MAP3K15: variants seen among roughly 807,000 people sequenced by gnomAD.
The protein encoded by MAP3K15 is MAPK/ERK kinase kinase 15.
Under a neutral mutation model 99.5 loss-of-function variants are expected in MAP3K15, and 124 were observed. The ratio of observed to expected loss-of-function variants is 1.25; its 90% CI spans 1.08 to 1.45. MAP3K15 has a LOEUF of 1.45. MAP3K15 is among the 40% of genes most tolerant of loss of function. The pLI, the probability that MAP3K15 is intolerant of heterozygous loss-of-function variation, is 0.00. For missense variants in MAP3K15, 1,242 were observed against 1,079.7 expected, an observed-to-expected ratio of 1.15 and a Z score of -2.11; for synonymous variants, 494 against 439.6, an observed-to-expected ratio of 1.12 and a Z score of -1.55.
chrX:19,457,221 G>A (rs771689474), intron 5 of MAP3K15, among the ~76,000 whole-genome samples: 1 of 112,155 alleles, frequency 8.9e-6, no homozygotes, highest in East Asian at 2.8e-4. Context: ...GAAGAACAGA[G>A]AAGGAATCCC....
rs372768459 is a variant in MAP3K15, at chrX:19,436,207, A to G, written c.996-4599T>C. ...AAAAAATTCAATCACCTAGGAGCTT[A>G]AATCTGAATCTCTGGAGACCCAGAC... On this transcript the variant is annotated intron_variant, in intron 6 of 28. Coordinates refer to ENST00000338883, the MANE Select transcript of MAP3K15 (RefSeq NM_001001671.4). 1.1e-4 allele frequency among the ~76,000 whole-genome samples: 12 copies of G among 110,534 alleles called. No individual in the cohort carries two copies. In the East Asian group the frequency reaches 3.1e-3, roughly 29 times the overall value.
At chrX:19,483,257 CAAAAAAAA>C (rs57191935) in intron 3 of MAP3K15, among the ~76,000 whole-genome samples, 6 of 52,647 alleles carry the variant, frequency 1.1e-4, no homozygotes, top group African/African-American at 3.0e-4. Flanking sequence ...GACTCCATCT[CAAAAAAAA>C]AAAAAAAAAA....
chrX:19,515,085 CCGCCGCGGCCCGCCCCCACTCTCGCCCT>C lies in MAP3K15; in HGVS notation c.149_176del (p.Glu50GlyfsTer67). On this transcript the variant is annotated frameshift_variant, in exon 1 of 29. Coordinates refer to ENST00000338883, the MANE Select transcript of MAP3K15 (RefSeq NM_001001671.4). LOFTEE classifies it high-confidence loss of function. ...TGCGCACGTATACTGCCCGCAGAGC[CCGCCGCGGCCCGCCCCCACTCTCGCCCT>C]CGCCGCTGCCGCCTGCCGCGCCCTC... 1.1e-6 allele frequency: 1 copy of C among 871,190 alleles called. No homozygotes were observed. The highest frequency in any genetic ancestry group is 5.2e-5 in the East Asian group (1 of 19,397). The allele number at this position is 871,190 out of a possible 1,213,427, so 71.8% of individuals were successfully genotyped here.
chrX:19,392,239 T>A, intron 17 of MAP3K15, 104 bp downstream of exon 17: 19 of 1,063,008 alleles, frequency 1.8e-5, no homozygotes, highest in Non-Finnish European at 2.4e-5. Context: ...ACGGTTGTGC[T>A]AAATCATACC....
At chrX:19,421,332 C>G (rs2063782271) in intron 9 of MAP3K15, among the ~76,000 whole-genome samples, 1 of 111,659 alleles carries the variant, frequency 9.0e-6, no homozygotes, top group Non-Finnish European at 1.9e-5. Context: ...TCAGCAAAGT[C>G]TCAGGATACA....
Position 19,431,594 on chromosome X carries a change from C to T in MAP3K15, c.1010G>A (p.Gly337Asp). 1 of 1,197,353 alleles carries T rather than the reference C, an allele frequency of 8.4e-7. No individual in the cohort carries two copies. Among genetic ancestry groups the T allele is most frequent in the Non-Finnish European group, 1.1e-6 (1 of 893,671 alleles). ...AFALNRRNST[G>D]DREKALQIML... ...GATCTGCAGAGCCTTCTCACGGTCA[C>T]CTGTGCTGTTTCTCCTGAAAGATAG... Residue 337 changes from glycine (G) to aspartate (D), a missense_variant, in exon 7 of 29, where the codon GGT (glycine) becomes GAT (aspartate). Coordinates refer to ENST00000338883, the MANE Select transcript of MAP3K15 (RefSeq NM_001001671.4).
chrX:19,464,523 G>T, intron 3 of MAP3K15, 117 bp from the exon 4 acceptor site: 1 of 509,685 alleles, frequency 2.0e-6, no homozygotes, highest in Non-Finnish European at 3.2e-6. Flanking sequence ...AAAACAATTC[G>T]TTCAATACGA....
intron 6 of MAP3K15, 50 bp from the exon 7 acceptor site, chrX:19,431,658 A>G: frequency 9.2e-7 from 1 of 1,082,468 alleles, no homozygotes; most frequent in South Asian, 2.2e-5. Context: ...AAGACAATGG[A>G]GTAGAGGCCA....
intron 16 of MAP3K15, among the ~76,000 whole-genome samples, 185 bp downstream of exon 16, chrX:19,394,896 T>TCACTG (rs2063557207): frequency 2.1e-5 from 2 of 94,273 alleles, no homozygotes; most frequent in South Asian, 1.2e-3. Flanking sequence ...TGATCATGGC[T>TCACTG]CACTGCAGCC....
In MAP3K15 at chrX:19,464,218, G is replaced by A. The variant is rs1319869061; in HGVS notation, c.714C>T (p.Thr238=). 1.7e-6 allele frequency: 2 copies of A among 1,192,939 alleles called. No individual in the cohort carries two copies. Among genetic ancestry groups the A allele is most frequent in the Non-Finnish European group, 2.2e-6 (2 of 891,155 alleles). Residue 238 remains threonine, a synonymous_variant, in exon 4 of 29, where the codon ACC becomes ACT. Transcript: ENST00000338883. ...TGGTGGCAGATGGGAATTACCATGAGGTCACGTGGATGTCCTTAAGGAGGC... is the reference window on the plus strand; with the variant it reads ...TGGTGGCAGATGGGAATTACCATGAAGTCACGTGGATGTCCTTAAGGAGGC... The part of the protein sequence containing the change: ...FISLLKDIHV[T]SCVYYKETLL...
intron 3 of MAP3K15, among the ~76,000 whole-genome samples, chrX:19,467,016 C>T (rs112644140): frequency 7.2e-5 from 8 of 110,898 alleles, no homozygotes; most frequent in African/African-American, 2.6e-4. Context: ...TTTTTAATAG[C>T]TCATCAGCTA....
intron 13 of MAP3K15, among the ~76,000 whole-genome samples, chrX:19,405,103 T>C (rs1053005431): frequency 8.1e-5 from 9 of 110,572 alleles, no homozygotes; most frequent in African/African-American, 3.0e-4. Flanking sequence ...AAAAAGCATT[T>C]GCAAATCATA....
At chrX:19,390,490 A>G (rs1264850204) in intron 18 of MAP3K15, among the ~76,000 whole-genome samples, 1 of 102,737 alleles carries the variant, frequency 9.7e-6, no homozygotes, top group Non-Finnish European at 2.0e-5. Context: ...ACTATATAAT[A>G]TATGTTATAT....
intron 2 of MAP3K15, among the ~76,000 whole-genome samples, chrX:19,488,606 G>A (rs372232504): frequency 5.4e-5 from 6 of 111,373 alleles, no homozygotes; most frequent in Non-Finnish European, 7.5e-5. Flanking sequence ...TAACGAGCCC[G>A]GAAATGCCCA....
Position 19,454,742 on chromosome X carries a change from A to C in MAP3K15, c.995+2171T>G, listed in dbSNP as rs558970825. On this transcript the variant is annotated intron_variant, in intron 6 of 28. Coordinates refer to ENST00000338883, the MANE Select transcript of MAP3K15 (RefSeq NM_001001671.4). ...CAAAGTAATGCCATAAACTCGCTCAAAACTATATATACCAGTTAGGTATCT... is the reference window on the plus strand; with the variant it reads ...CAAAGTAATGCCATAAACTCGCTCACAACTATATATACCAGTTAGGTATCT... Among the ~76,000 whole-genome samples the C allele has an allele frequency of 2.9e-4, 33 of 112,135 alleles. No homozygotes were observed. The South Asian group carries it at 0.012, about 40-fold the overall frequency.
At chrX:19,491,671 A>G (rs1160928149) in intron 1 of MAP3K15, among the ~76,000 whole-genome samples, 1 of 110,115 alleles carries the variant, frequency 9.1e-6, no homozygotes, top group East Asian at 2.9e-4. Context: ...TGGGAAACCT[A>G]TGGTTGGGTT....
chrX:19,447,747 A>G (rs185051484), intron 6 of MAP3K15, among the ~76,000 whole-genome samples: 75 of 95,260 alleles, frequency 7.9e-4, no homozygotes, highest in African/African-American at 2.7e-3. Flanking sequence ...AGCCGGGCGT[A>G]GTGGCGGGCG....
intron 1 of MAP3K15, among the ~76,000 whole-genome samples, chrX:19,504,100 C>T (rs1399828884): frequency 1.2e-5 from 1 of 84,301 alleles, no homozygotes; most frequent in Non-Finnish European, 2.2e-5. Flanking sequence ...AGCTAGGTGA[C>T]AGAGCAAGAC....
Position 19,459,995 on chromosome X carries a change from C to A in MAP3K15, c.878G>T (p.Arg293Leu). Residue 293 changes from arginine (R) to leucine (L), a missense_variant, in exon 5 of 29, where the codon CGT becomes CTT. Physicochemically the swap from Arg to Leu is moderately radical, Grantham distance 102 (BLOSUM62 -2). Transcript: ENST00000338883. ...AGGTGGATTTCATACCTGGATATCA[C>A]GGTAGGACAGGAGTAAGTTAATGAT... ...DIIINLLLSY[R>L]DIQDYDAMVK... 1.7e-6 allele frequency: 2 copies of A among 1,156,533 alleles called. No individual in the cohort carries two copies. The highest frequency in any genetic ancestry group is 2.5e-5 in the Admixed American group (1 of 39,820).
Sources: gnomAD v4.1 joint callset for allele counts (sites outside exome capture counted in the v4.1 genomes callset) on GRCh38, gnomAD v4.1.1 for gene constraint, MANE v1.5 for transcripts, NCBI Gene and HGNC (gene_info 2026-07-23, HGNC 2026-07-21) for gene names.